Variants in HIF3A observed in about 807,000 individuals in gnomAD.
HIF3A encodes hypoxia inducible factor 3 subunit alpha, also known as hypoxia-inducible factor 3-alpha.
Under a neutral mutation model 67.2 loss-of-function variants are expected in HIF3A, and 41 were observed. That is an observed-to-expected ratio of 0.61 (90% CI 0.48 to 0.79). The LOEUF is 0.79. Ranked by LOEUF, HIF3A falls within the 30% of genes least tolerant of loss-of-function variation. HIF3A has a pLI of 0.00. For missense variants in HIF3A, 855 were observed against 898.0 expected (o/e 0.95, Z 0.61); for synonymous variants, 356 against 374.8 (o/e 0.95, Z 0.58).
At chr19:46,299,236 A>T (rs1968122348) in intron 1 of HIF3A, among the ~76,000 whole-genome samples, 1 of 152,190 alleles carries the variant, frequency 6.6e-6, no homozygotes, top group Non-Finnish European at 1.5e-5. Flanking sequence ...TGGAGGCAGC[A>T]GGGGTGTGAC....
chr19:46,337,191 T>C (rs1188393488), intron 14 of HIF3A, among the ~76,000 whole-genome samples: 1 of 151,300 alleles, frequency 6.6e-6, no homozygotes, highest in Non-Finnish European at 1.5e-5. Context: ...GGGGGAAGAG[T>C]GTCCCAGGCA....
At chr19:46,313,096 C>A (rs2147181901) in intron 8 of HIF3A, 3 of 679,106 alleles carry the variant, frequency 4.4e-6, no homozygotes, top group Admixed American at 6.4e-5. Context: ...CTAATAATAC[C>A]AAAAATTAGC....
rs971629576 is a variant in HIF3A, at chr19:46,312,621, G to A, written c.993G>A (p.Ser331=). ...TGTCAGGGGGACGGGGCCCCCAGTC[G>A]GAGAGTATCGTCTGTGTCCATTTTT... is the stretch of plus-strand genomic sequence containing the variant. ...TVVSGGRGPQ[S]ESIVCVHFLI... is the part of the protein sequence containing the mutation. Residue 331 remains serine (S), a synonymous_variant, in exon 8 of 15, where the codon TCG becomes TCA. Transcript: ENST00000377670. The A allele has an allele frequency of 9.5e-6, 15 of 1,584,872 alleles. No homozygotes were observed. In the African/African-American group the frequency reaches 1.5e-4, roughly 16 times the overall value.
chr19:46,331,525 A>C (rs1601356323), intron 13 of HIF3A: 1 of 230,960 alleles, frequency 4.3e-6, no homozygotes, highest in African/African-American at 2.4e-5. Context: ...AAAAAAAAAA[A>C]AAAAAAAAAA....
intron 14 of HIF3A, chr19:46,338,454 T>G: frequency 1.0e-6 from 1 of 964,630 alleles, no homozygotes; most frequent in Non-Finnish European, 1.3e-6. Flanking sequence ...CCACCTGCCT[T>G]GGCCTCCCAA....
At chr19:46,313,151 T>C in intron 8 of HIF3A, 1 of 541,182 alleles carries the variant, frequency 1.8e-6, no homozygotes, top group Non-Finnish European at 2.4e-6. Flanking sequence ...CTCGGGAGGC[T>C]GAGGCACGAG....
At chr19:46,301,295 G>C (rs1317116769) in intron 1 of HIF3A, among the ~76,000 whole-genome samples, 1 of 152,118 alleles carries the variant, frequency 6.6e-6, no homozygotes, top group Non-Finnish European at 1.5e-5. Flanking sequence ...CTGAGGCTGG[G>C]GTTGATGCCA....
At chr19:46,325,379 A>G (rs922589528) in intron 10 of HIF3A, among the ~76,000 whole-genome samples, 156 bp from the exon 11 acceptor site, 3 of 152,036 alleles carry the variant, frequency 2.0e-5, no homozygotes, top group Non-Finnish European at 4.4e-5. Context: ...TTGAACACCC[A>G]GGTTCAAAAC....
chr19:46,322,807 G>T (rs1416129444), intron 10 of HIF3A, among the ~76,000 whole-genome samples: 1 of 152,094 alleles, frequency 6.6e-6, no homozygotes, highest in Admixed American at 6.6e-5. Context: ...TAGGTTTACT[G>T]GTTCATTGTC....
At chr19:46,334,854 T>C (rs368002400) in intron 13 of HIF3A, 51 bp from the exon 14 acceptor site, 8 of 1,487,810 alleles carry the variant, frequency 5.4e-6, no homozygotes, top group African/African-American at 2.8e-5. Flanking sequence ...CGGCTGTTCC[T>C]TGGATACTAA....
chr19:46,297,873 T>C lies in HIF3A; in HGVS notation c.26+771T>C, dbSNP rs1967980785. Among the ~76,000 whole-genome samples the C allele has an allele frequency of 6.6e-6, 1 of 151,954 alleles. No homozygotes were observed. The highest frequency in any genetic ancestry group is 6.5e-5 in the Admixed American group (1 of 15,272). ...ACAGGGGAGCCTCATCCAAGCTTTA[T>C]TTTGGGGAGACTCCATGGCAGGGTG... On this transcript the variant is annotated intron_variant, in intron 1 of 14. Transcript: ENST00000377670. This position sits in a 1 kb window ranked among gnomAD's most constrained non-coding sequence, Gnocchi z 4.5.
At chr19:46,312,759 C>T (rs1358400982) in intron 8 of HIF3A, 106 bp downstream of exon 8, 2 of 1,472,860 alleles carry the variant, frequency 1.4e-6, no homozygotes, top group East Asian at 4.7e-5. Context: ...GCATGTGTAT[C>T]ATGCATAAGT....
intron 12 of HIF3A, among the ~76,000 whole-genome samples, chr19:46,330,932 G>C (rs1171635322): frequency 2.0e-5 from 3 of 151,720 alleles, no homozygotes; most frequent in Non-Finnish European, 4.4e-5. Flanking sequence ...ATAAATAGGT[G>C]GATGAATGGA....
At chr19:46,338,491 C>T in intron 14 of HIF3A, 2 of 1,145,034 alleles carry the variant, frequency 1.7e-6, no homozygotes, top group Non-Finnish European at 2.2e-6. Context: ...GTATGAACCA[C>T]CACGCCCGAC....
At chr19:46,338,166 G>A (rs1971763197) in intron 14 of HIF3A, 1 of 453,920 alleles carries the variant, frequency 2.2e-6, no homozygotes, top group Non-Finnish European at 4.4e-6. Context: ...ACCTGGCACA[G>A]TGCCTGACAC....
At chr19:46,314,648 C>T (rs946333722) in intron 8 of HIF3A, among the ~76,000 whole-genome samples, 1 of 146,864 alleles carries the variant, frequency 6.8e-6, no homozygotes, top group African/African-American at 2.5e-5. Flanking sequence ...ACTTCCGCCT[C>T]CCGGGTTCAA....
chr19:46,312,882 A>ATTTTTTTTTTTT (rs531816670), intron 8 of HIF3A: 38 of 879,192 alleles, frequency 4.3e-5, no homozygotes, highest in South Asian at 5.7e-5. Flanking sequence ...TAGACTGTTA[A>ATTTTTTTTTTTT]TTTTTTTTTT....
rs1300709520 is a variant in HIF3A at position 46,341,561 on chromosome 19, C to T, written c.*1939C>T. 3.3e-5 allele frequency: 5 copies of T among 152,018 alleles called. No homozygotes were observed. The Middle Eastern group carries it at 0.014, about 416-fold the overall frequency. 9.4% of individuals were successfully genotyped at this position (152,018 alleles called of 1,614,324 possible). A position where few individuals can be genotyped will look rare whatever the true frequency, so the allele number is the denominator to read the frequency against. On this transcript the variant is annotated 3_prime_UTR_variant, in exon 15 of 15. Coordinates refer to ENST00000377670, the MANE Select transcript of HIF3A (RefSeq NM_152795.4). ...GCTCAGCTTATTCTTCTGCAGTTCTCTATAACCAAGACTCATTTTCTCTCA... is the reference window on the plus strand; with the variant it reads ...GCTCAGCTTATTCTTCTGCAGTTCTTTATAACCAAGACTCATTTTCTCTCA...
chr19:46,299,204 C>T (rs536058873), intron 1 of HIF3A, among the ~76,000 whole-genome samples: 5 of 152,318 alleles, frequency 3.3e-5, no homozygotes, highest in South Asian at 4.1e-4. Flanking sequence ...CAGGGCTGGG[C>T]ATGGGGCCAG....
Sources: allele counts gnomAD v4.1 joint callset (sites outside exome capture counted in the v4.1 genomes callset), GRCh38; gene constraint gnomAD v4.1.1; non-coding constraint Gnocchi (gnomAD v3.1); transcripts MANE v1.5; gene names NCBI Gene and HGNC (gene_info 2026-07-23, HGNC 2026-07-21).